RPS6KA6: variants seen among roughly 807,000 people sequenced by gnomAD.
RPS6KA6 encodes the protein ribosomal protein S6 kinase alpha-6.
A neutral mutation model predicts 65.4 loss-of-function variants in RPS6KA6; 27 were observed. The ratio of observed to expected loss-of-function variants is 0.41; its 90% CI spans 0.30 to 0.57. RPS6KA6 has a LOEUF of 0.57. Among genes scored for constraint, RPS6KA6 ranks in the 20% least tolerant of loss-of-function variants. The pLI is 0.24. For synonymous variants in RPS6KA6, 190 were observed against 184.2 expected, an observed-to-expected ratio of 1.03 and a Z score of -0.26; for missense variants, 486 against 555.6, an observed-to-expected ratio of 0.87 and a Z score of 1.26.
At chrX:84,187,639 C>G (rs777324968) in intron 1 of RPS6KA6, among the ~76,000 whole-genome samples, 180 bp downstream of exon 1, 2 of 112,264 alleles carry the variant, frequency 1.8e-5, no homozygotes, top group South Asian at 7.4e-4. Flanking sequence ...TCCGCAAGCC[C>G]GAGCCCGCCG....
intron 1 of RPS6KA6, among the ~76,000 whole-genome samples, chrX:84,168,154 T>A (rs751857685): frequency 2.7e-4 from 30 of 111,091 alleles, no homozygotes; most frequent in African/African-American, 8.5e-4. Context: ...ACACTCCTTT[T>A]ATTTTACTCC....
chrX:84,092,144 T>A (rs2034059754), intron 20 of RPS6KA6, among the ~76,000 whole-genome samples: 1 of 110,946 alleles, frequency 9.0e-6, no homozygotes, highest in South Asian at 3.9e-4. Flanking sequence ...ATGGCACACG[T>A]TTACCTATGT....
At chrX:84,146,463 T>G (rs2035201710) in intron 5 of RPS6KA6, among the ~76,000 whole-genome samples, 1 of 111,577 alleles carries the variant, frequency 9.0e-6, no homozygotes, top group Non-Finnish European at 1.9e-5. Context: ...AATGGAGCCA[T>G]GATTCAAATT....
chrX:84,087,489 C>T (rs913366798), intron 20 of RPS6KA6, among the ~76,000 whole-genome samples: 1 of 111,833 alleles, frequency 8.9e-6, no homozygotes, highest in Non-Finnish European at 1.9e-5. Flanking sequence ...GGCCCCCAAG[C>T]TCTTTTGGCT....
At chrX:84,185,349 C>A (rs2035914802) in intron 1 of RPS6KA6, among the ~76,000 whole-genome samples, 1 of 111,857 alleles carries the variant, frequency 8.9e-6, no homozygotes, top group African/African-American at 3.3e-5. Flanking sequence ...TGGAACCAAG[C>A]TAGTTATTGG....
At chrX:84,183,375 C>T (rs918336229) in intron 1 of RPS6KA6, among the ~76,000 whole-genome samples, 3 of 111,750 alleles carry the variant, frequency 2.7e-5, no homozygotes, top group African/African-American at 9.8e-5. Flanking sequence ...CTCACTACTA[C>T]TTCCACTAAC....
chrX:84,089,971 C>CT (rs1353425767), intron 20 of RPS6KA6, among the ~76,000 whole-genome samples: 23 of 112,134 alleles, frequency 2.1e-4, no homozygotes, highest in African/African-American at 6.8e-4. Flanking sequence ...CAGCAAAACT[C>CT]TAAATACTTT....
intron 1 of RPS6KA6, among the ~76,000 whole-genome samples, chrX:84,169,959 T>A (rs1472400801): frequency 1.8e-5 from 2 of 109,953 alleles, no homozygotes; most frequent in Non-Finnish European, 3.8e-5. Context: ...TCACCTGAGA[T>A]CAGGAGCTCG....
chrX:84,133,085 C>G (rs926164595), intron 8 of RPS6KA6, among the ~76,000 whole-genome samples: 4 of 111,762 alleles, frequency 3.6e-5, no homozygotes, highest in Non-Finnish European at 7.5e-5. Context: ...CCATTTATGC[C>G]TAGTGTTCCA....
intron 1 of RPS6KA6, among the ~76,000 whole-genome samples, chrX:84,174,371 A>G (rs184006970): frequency 9.0e-6 from 1 of 111,691 alleles, no homozygotes; most frequent in Admixed American, 9.6e-5. Flanking sequence ...CCACCTAATT[A>G]TTGTCACTGC....
At chrX:84,150,256 CTCCAT>C (rs1342475184) in intron 3 of RPS6KA6, among the ~76,000 whole-genome samples, 6 of 111,436 alleles carry the variant, frequency 5.4e-5, no homozygotes, top group African/African-American at 2.0e-4. Context: ...CTAAAACTTT[CTCCAT>C]ATCAGTAATA....
At chrX:84,106,096 G>A (rs752268271) in intron 15 of RPS6KA6, among the ~76,000 whole-genome samples, 16 of 111,406 alleles carry the variant, frequency 1.4e-4, no homozygotes, top group Non-Finnish European at 2.8e-4. Flanking sequence ...TACCAATGAT[G>A]ACGTGATTGT....
chrX:84,110,991 A>AAT (rs753011876), intron 12 of RPS6KA6, among the ~76,000 whole-genome samples: 7,417 of 102,327 alleles, frequency 0.072, 384 homozygotes, highest in Admixed American at 0.22. Flanking sequence ...AAGATAAATA[A>AAT]ATATATATAT....
At chrX:84,170,993 G>C (rs2035674684) in intron 1 of RPS6KA6, among the ~76,000 whole-genome samples, 1 of 111,397 alleles carries the variant, frequency 9.0e-6, no homozygotes, top group South Asian at 3.8e-4. Flanking sequence ...CATCCTCTAG[G>C]AACTACAGGC....
intron 20 of RPS6KA6, among the ~76,000 whole-genome samples, chrX:84,076,532 C>G (rs191226128): frequency 9.0e-6 from 1 of 111,614 alleles, no homozygotes; most frequent in Admixed American, 9.5e-5. Context: ...ATCAATGTAA[C>G]AACAATAAAG....
intron 2 of RPS6KA6, among the ~76,000 whole-genome samples, chrX:84,160,588 T>C (rs1478999615): frequency 8.9e-6 from 1 of 111,814 alleles, no homozygotes; most frequent in Admixed American, 9.5e-5. Flanking sequence ...TTGTTCATTT[T>C]TATTTAATAA....
chrX:84,130,510 A>C lies in RPS6KA6; in HGVS notation c.646+4272T>G, dbSNP rs146726483. Among the ~76,000 whole-genome samples the C allele has an allele frequency of 8.8e-3, 985 of 111,650 alleles. 16 individuals carry two copies. Among genetic ancestry groups the C allele is most frequent in the African/African-American group, 0.031 (950 of 30,802 alleles). The stretch of plus-strand genomic sequence containing the variant: ...AATCTCACTCCTTATGTATTTACTT[A>C]ACTGAAATAAAAATTTATGGTAAAA... On this transcript the variant is annotated intron_variant, in intron 8 of 21. Coordinates refer to ENST00000262752, the MANE Select transcript of RPS6KA6 (RefSeq NM_014496.5).
chrX:84,144,320 C>A (rs1025499180), intron 6 of RPS6KA6, among the ~76,000 whole-genome samples: 1 of 108,429 alleles, frequency 9.2e-6, no homozygotes, highest in Non-Finnish European at 1.9e-5. Flanking sequence ...GAAGAACTCT[C>A]AAAACTCAAT....
intron 18 of RPS6KA6, 78 bp downstream of exon 18, chrX:84,101,959 A>AT: frequency 1.2e-6 from 1 of 844,087 alleles, no homozygotes; most frequent in Non-Finnish European, 1.6e-6. Context: ...TCTGCCTACC[A>AT]TAACATTCAT....
Sources: allele counts gnomAD v4.1 joint callset (sites outside exome capture counted in the v4.1 genomes callset), GRCh38; gene constraint gnomAD v4.1.1; transcripts MANE v1.5; gene names NCBI Gene and HGNC (gene_info 2026-07-23, HGNC 2026-07-21).